The following MTMR6 variants were observed in gnomAD, a reference collection of about 807,000 sequenced individuals.
MTMR6 encodes the protein phosphatidylinositol-3,5-bisphosphate 3-phosphatase MTMR6.
Under a neutral mutation model 80.1 loss-of-function variants are expected in MTMR6, and 47 were observed. The observed-to-expected ratio is 0.59, with a 90% confidence interval of 0.46 to 0.75. The LOEUF is 0.75. Ranked by LOEUF, MTMR6 falls within the 30% of genes least tolerant of loss-of-function variation. MTMR6 has a pLI of 0.00. For synonymous variants in MTMR6, 254 were observed against 253.0 expected (o/e 1.00, Z -0.04); for missense variants, 629 against 730.9 (o/e 0.86, Z 1.61).
rs1222639293 is a variant in MTMR6 at position 25,258,529 on chromosome 13, AG to A, written c.859+30del. 4 of 1,553,184 alleles carry A rather than the reference AG, an allele frequency of 2.6e-6. No individual in the cohort carries two copies. In the African/African-American group the frequency reaches 5.6e-5, roughly 22 times the overall value. ...ACTAGCATTAGATTTCTTTTGGACAAGGGTGTCTAAAAAAGTAAGCAATAAT... is the reference window on the plus strand; with the variant it reads ...ACTAGCATTAGATTTCTTTTGGACAAGGTGTCTAAAAAAGTAAGCAATAAT... On this transcript the variant is annotated intron_variant, in intron 7 of 13. Transcript: ENST00000381801.
intron 1 of MTMR6, among the ~76,000 whole-genome samples, chr13:25,280,038 G>A (rs1957811825): frequency 6.6e-6 from 1 of 152,132 alleles, no homozygotes; most frequent in Admixed American, 6.5e-5. Context: ...GATATAATTA[G>A]GGCCTGGAGT....
chr13:25,252,807 A>G (rs1259952671), intron 11 of MTMR6, among the ~76,000 whole-genome samples: 1 of 152,204 alleles, frequency 6.6e-6, no homozygotes, highest in Non-Finnish European at 1.5e-5. Context: ...TAAAGCCTCA[A>G]TGTTCTTTGA....
In MTMR6 at chr13:25,251,833, C is replaced by T. The variant is rs756160061; in HGVS notation, c.1478+20G>A. 2.7e-5 allele frequency: 44 copies of T among 1,602,324 alleles called. No individual in the cohort carries two copies. The highest frequency in any genetic ancestry group is 3.7e-5 in the Non-Finnish European group (43 of 1,176,988). On this transcript the variant is annotated intron_variant, in intron 12 of 13. Transcript: ENST00000381801. This position sits in a 1 kb window ranked among gnomAD's most constrained non-coding sequence, Gnocchi z 4.1. ...GTTTGAGAAAATTCAAGTATAAATA[C>T]TCCAATGATGTCAACTTACTTAAAA...
intron 5 of MTMR6, among the ~76,000 whole-genome samples, chr13:25,263,663 G>A (rs1363606002): frequency 3.9e-5 from 6 of 152,180 alleles, no homozygotes; most frequent in African/African-American, 1.4e-4. Flanking sequence ...GAGGCCGGTG[G>A]ATCACCTGAG....
chr13:25,267,354 T>C (rs1287090284), intron 3 of MTMR6, among the ~76,000 whole-genome samples: 1 of 152,082 alleles, frequency 6.6e-6, no homozygotes, highest in African/African-American at 2.4e-5. Flanking sequence ...ATCTTCTGTA[T>C]CTCCCACTCA....
Position 25,273,650 on chromosome 13 carries a change from CA to C in MTMR6, c.141+420del, listed in dbSNP as rs1292784054. ...AAGCAATTCTCCTGCCTCACCCTCCCAAGTAGCTGGGATTACAGGCACCCAT... is the reference window on the plus strand; with the variant it reads ...AAGCAATTCTCCTGCCTCACCCTCCCAGTAGCTGGGATTACAGGCACCCAT... On this transcript the variant is annotated intron_variant, in intron 2 of 13. Coordinates refer to ENST00000381801, the MANE Select transcript of MTMR6 (RefSeq NM_004685.5). Among the ~76,000 whole-genome samples the C allele has an allele frequency of 4.0e-5, 6 of 151,880 alleles. 1 individual carries two copies. The highest frequency in any genetic ancestry group is 2.0e-4 in the Admixed American group (3 of 15,242).
intron 11 of MTMR6, among the ~76,000 whole-genome samples, chr13:25,252,902 T>C (rs1039963654): frequency 9.9e-5 from 15 of 152,222 alleles, no homozygotes; most frequent in African/African-American, 3.6e-4. Flanking sequence ...TTCTGCTGTT[T>C]ACTCTGTTGG....
rs1396939619 is a variant in MTMR6, at chr13:25,257,292, C to T, written c.999G>A (p.Leu333=). Residue 333 remains leucine, a synonymous_variant, in exon 9 of 14, where the codon TTG becomes TTA. Coordinates refer to ENST00000381801, the MANE Select transcript of MTMR6 (RefSeq NM_004685.5). The stretch of plus-strand genomic sequence containing the variant: ...TATCCCAACCATCGGAACAATGCAC[C>T]AACACACTTGCATTTTCAACTGTTA... ...KAITVENASV[L]VHCSDGWDRT... 1 of 1,613,652 alleles carries T rather than the reference C, an allele frequency of 6.2e-7. No individual in the cohort carries two copies. The highest frequency in any genetic ancestry group is 1.3e-5 in the African/African-American group (1 of 74,894).
At chr13:25,255,518 C>G (rs918493548) in intron 9 of MTMR6, among the ~76,000 whole-genome samples, 1 of 152,074 alleles carries the variant, frequency 6.6e-6, no homozygotes, top group African/African-American at 2.4e-5. Flanking sequence ...TCAATTCTTC[C>G]TGACTCTACT....
At chr13:25,283,021 C>T (rs1243628145) in intron 1 of MTMR6, among the ~76,000 whole-genome samples, 1 of 152,010 alleles carries the variant, frequency 6.6e-6, no homozygotes, top group Non-Finnish European at 1.5e-5. Context: ...AAACAACTCC[C>T]TCCCAAATCT....
chr13:25,287,218 G>C lies in MTMR6; in HGVS notation c.24+6C>G. ...CCTGAAGACTGGCGATCCCGCGCCC[G>C]ACTACCTTGGTCGTCCGGATATGCT... On this transcript the variant is annotated splice_donor_region_variant and intron_variant, in intron 1 of 13. Coordinates refer to ENST00000381801, the MANE Select transcript of MTMR6 (RefSeq NM_004685.5). The C allele has an allele frequency of 1.9e-6, 3 of 1,596,786 alleles. No homozygotes were observed. The highest frequency in any genetic ancestry group is 1.3e-5 in the African/African-American group (1 of 74,546).
chr13:25,266,358 T>G (rs75290152), intron 3 of MTMR6, 72 bp from the exon 4 acceptor site: 2 of 1,292,136 alleles, frequency 1.5e-6, no homozygotes, highest in Non-Finnish European at 2.1e-6. Context: ...ATGTAATTTT[T>G]CAGTTTTCTT....
Position 25,251,928 on chromosome 13 carries a change from T to G in MTMR6, c.1403A>C (p.Tyr468Ser). 1 of 1,609,714 alleles carries G rather than the reference T, an allele frequency of 6.2e-7. No homozygotes were observed. The highest frequency in any genetic ancestry group is 8.5e-7 in the Non-Finnish European group (1 of 1,178,408). The change falls in exon 12 of 14, where the codon TAC (tyrosine) becomes TCC (serine). Residue 468 changes from tyrosine to serine, a missense_variant. Transcript: ENST00000381801. This position sits in a 1 kb window ranked among gnomAD's most constrained non-coding sequence, Gnocchi z 4.1. ...TTCGGAACTGTAGAGAGGATTTAAGTACTTCTTTTGGTCTTCCAAAAGAAA... is the reference window on the plus strand; with the variant it reads ...TTCGGAACTGTAGAGAGGATTTAAGGACTTCTTTTGGTCTTCCAAAAGAAA... ...WPFLLEDQKK[Y>S]LNPLYSSESH...
rs184320723 is a variant in MTMR6, at chr13:25,263,432, C to A, written c.592-1630G>T. On this transcript the variant is annotated intron_variant, in intron 5 of 13. Transcript: ENST00000381801. ...GACACAGCTGTGGGCAGGGGTGAAG[C>A]CCTATACTCACAAAGACTAGGAGCA... Among the ~76,000 whole-genome samples the A allele has an allele frequency of 1.6e-3, 242 of 152,266 alleles. 1 individual carries two copies. The highest frequency in any genetic ancestry group is 5.6e-3 in the African/African-American group (232 of 41,518).
At chr13:25,282,587 CTTCTTTT>C (rs140357614) in intron 1 of MTMR6, among the ~76,000 whole-genome samples, 6,305 of 149,442 alleles carry the variant, frequency 0.042, 311 homozygotes, top group African/African-American at 0.12. Context: ...TGCTCGCCCT[CTTCTTTT>C]TTCTTTTTTC....
chr13:25,287,455 C>CG lies in MTMR6; in HGVS notation c.-209dup, dbSNP rs1233425076. Reference sequence around the variant, plus strand: ...CACTTCCCCAAACCCCGCGGCCTCCCGGGGGACTCGGGGCAGGCAGACAGA... The same window carrying CG: ...CACTTCCCCAAACCCCGCGGCCTCCCGGGGGGACTCGGGGCAGGCAGACAGA... On this transcript the variant is annotated 5_prime_UTR_variant, in exon 1 of 14. Coordinates refer to ENST00000381801, the MANE Select transcript of MTMR6 (RefSeq NM_004685.5). The CG allele has an allele frequency of 4.9e-6, 3 of 615,312 alleles. No individual in the cohort carries two copies. The highest frequency in any genetic ancestry group is 3.7e-5 in the African/African-American group (2 of 54,462). The allele number at this position is 615,312 out of a possible 1,614,324, so 38.1% of individuals were successfully genotyped here. A position where few individuals can be genotyped will look rare whatever the true frequency, so the allele number is the denominator to read the frequency against.
chr13:25,260,278 C>T lies in MTMR6; in HGVS notation c.726+1390G>A, dbSNP rs912544696. 5.9e-4 allele frequency among the ~76,000 whole-genome samples: 90 copies of T among 152,014 alleles called. 2 individuals are homozygous for T. The highest frequency in any genetic ancestry group is 3.9e-3 in the Admixed American group (59 of 15,262). On this transcript the variant is annotated intron_variant, in intron 6 of 13. Transcript: ENST00000381801. Reference sequence around the variant, plus strand: ...CCGCCTCCCAGGTTCAAGTGATTCTCCTGCCTCAGCCTCCCGAGTAGCTGG... The same window carrying T: ...CCGCCTCCCAGGTTCAAGTGATTCTTCTGCCTCAGCCTCCCGAGTAGCTGG...
rs774545221 is a variant in MTMR6 at position 25,258,559 on chromosome 13, C to A, written c.859+1G>T. On this transcript the variant is annotated splice_donor_variant, in intron 7 of 13. Transcript: ENST00000381801. LOFTEE classifies it high-confidence loss of function. ...GTCTAAAAAAGTAAGCAATAATATA[C>A]CTTCCAATAATTTCTGAAGGCTGGA... 1.9e-6 allele frequency: 3 copies of A among 1,587,614 alleles called. No homozygotes were observed. Among genetic ancestry groups the A allele is most frequent in the African/African-American group, 2.7e-5 (2 of 73,174 alleles).
chr13:25,257,941 G>A (rs1169402248), intron 7 of MTMR6, 96 bp from the exon 8 acceptor site: 1 of 777,174 alleles, frequency 1.3e-6, no homozygotes, highest in Non-Finnish European at 2.0e-6. Context: ...GAAGAAAGAA[G>A]ACAAAATAAA....
Sources: allele counts gnomAD v4.1 joint callset (sites outside exome capture counted in the v4.1 genomes callset), GRCh38; gene constraint gnomAD v4.1.1; non-coding constraint Gnocchi (gnomAD v3.1); transcripts MANE v1.5; gene names NCBI Gene and HGNC (gene_info 2026-07-23, HGNC 2026-07-21).